FAM120C: variants seen among roughly 807,000 people sequenced by gnomAD.
The protein encoded by FAM120C is family with sequence similarity 120 member C, also known as constitutive coactivator of PPAR-gamma-like protein 2.
In FAM120C, 14 loss-of-function variants were observed where a neutral mutation model predicts 71.2. The observed-to-expected ratio is 0.20, with a 90% confidence interval of 0.13 to 0.31. The LOEUF (loss-of-function observed/expected upper bound fraction) is 0.31. Ranked by LOEUF, FAM120C falls within the 10% of genes least tolerant of loss-of-function variation. FAM120C has a pLI of 1.00. For synonymous variants in FAM120C, 354 were observed against 353.2 expected (o/e 1.00, Z -0.03); for missense variants, 500 against 879.0 (o/e 0.57, Z 5.45).
At chrX:54,100,362 G>A (rs1467505811) in intron 10 of FAM120C, among the ~76,000 whole-genome samples, 2 of 111,162 alleles carry the variant, frequency 1.8e-5, no homozygotes, top group African/African-American at 3.3e-5. Flanking sequence ...GTGTGGCAGC[G>A]GGCACCTGTA....
intron 15 of FAM120C, 114 bp downstream of exon 15, chrX:54,080,118 G>C (rs1417447278): frequency 5.2e-6 from 3 of 581,752 alleles, no homozygotes; most frequent in Non-Finnish European, 5.7e-6. Flanking sequence ...TGGAGGAGTT[G>C]AGAAGCTCCC....
At chrX:54,180,886 C>T (rs782398310) in intron 1 of FAM120C, among the ~76,000 whole-genome samples, 1 of 111,321 alleles carries the variant, frequency 9.0e-6, no homozygotes, top group Non-Finnish European at 1.9e-5. Flanking sequence ...CTATTGCCAG[C>T]AACCAGGTTA....
chrX:54,099,932 T>C (rs898770067), intron 10 of FAM120C, among the ~76,000 whole-genome samples: 6 of 112,076 alleles, frequency 5.4e-5, no homozygotes, highest in Non-Finnish European at 1.1e-4. Flanking sequence ...CTATTCTGAG[T>C]TTGTATTATT....
intron 15 of FAM120C, among the ~76,000 whole-genome samples, chrX:54,079,348 G>A (rs148551694): frequency 6.3e-5 from 7 of 110,592 alleles, no homozygotes; most frequent in South Asian, 3.8e-4. Context: ...ACGGAGCTGC[G>A]AGGATTGCGT....
chrX:54,155,240 A>G (rs1443693145), intron 3 of FAM120C, among the ~76,000 whole-genome samples: 1 of 111,483 alleles, frequency 9.0e-6, no homozygotes, highest in Non-Finnish European at 1.9e-5. Context: ...CAAATCAGAA[A>G]AGAAAAGAGA....
intron 9 of FAM120C, 131 bp from the exon 10 acceptor site, chrX:54,116,925 A>C (rs1453650061): frequency 8.9e-6 from 7 of 782,201 alleles, no homozygotes; most frequent in Non-Finnish European, 1.3e-5. Flanking sequence ...TTTTATTTTT[A>C]GCAGCAGGAA....
chrX:54,082,419 GT>G (rs1347297395), intron 13 of FAM120C, among the ~76,000 whole-genome samples: 2 of 108,692 alleles, frequency 1.8e-5, no homozygotes, highest in East Asian at 5.9e-4. Flanking sequence ...TCTTTTTTTT[GT>G]TTTTTTGAGA....
At chrX:54,098,504 C>T (rs1289690222) in intron 10 of FAM120C, among the ~76,000 whole-genome samples, 6 of 112,025 alleles carry the variant, frequency 5.4e-5, no homozygotes, top group Non-Finnish European at 9.4e-5. Context: ...GATCCCTTGT[C>T]TTTTTGATTA....
intron 14 of FAM120C, 48 bp downstream of exon 14, chrX:54,081,274 G>A (rs113183729): frequency 8.7e-7 from 1 of 1,151,969 alleles, no homozygotes; most frequent in Non-Finnish European, 1.2e-6. Context: ...GGAGGCCTAG[G>A]CATTTTCCCA....
rs1038290466 is a variant in FAM120C, at chrX:54,132,597, G to C, written c.2062+95C>G. The C allele has an allele frequency of 8.9e-6, 6 of 675,060 alleles. No individual in the cohort carries two copies. The African/African-American group carries it at 1.3e-4, about 15-fold the overall frequency. 55.6% of individuals were successfully genotyped at this position (675,060 alleles called of 1,213,427 possible). A position where few individuals can be genotyped will look rare whatever the true frequency, so the allele number is the denominator to read the frequency against. The stretch of plus-strand genomic sequence containing the variant: ...TTGTTGAATGTTGCATTTTCTTAAA[G>C]ACTACTCCATAGCCAAAGGTACCCA... On this transcript the variant is annotated intron_variant, in intron 9 of 15. Transcript: ENST00000375180.
At chrX:54,113,551 G>A (rs1417899515) in intron 10 of FAM120C, among the ~76,000 whole-genome samples, 9 of 110,799 alleles carry the variant, frequency 8.1e-5, no homozygotes, top group African/African-American at 2.6e-4. Flanking sequence ...AGAAATAAGA[G>A]TAAACAAACA....
At chrX:54,179,979 G>A (rs1341251921) in intron 1 of FAM120C, among the ~76,000 whole-genome samples, 1 of 111,847 alleles carries the variant, frequency 8.9e-6, no homozygotes. Flanking sequence ...CTGAATACCC[G>A]TGACTGAGAT....
intron 4 of FAM120C, among the ~76,000 whole-genome samples, chrX:54,148,282 A>T (rs781812036): frequency 9.1e-6 from 1 of 109,422 alleles, no homozygotes. Flanking sequence ...ACCAATTTTA[A>T]AAAAAAAAGG....
At chrX:54,087,306 C>T (rs1364182363) in intron 12 of FAM120C, among the ~76,000 whole-genome samples, 12 of 12,178 alleles carry the variant, frequency 9.9e-4, no homozygotes, top group East Asian at 3.1e-3. Context: ...AGCAAGACTC[C>T]GTCTAAAAAA....
At chrX:54,109,955 A>G (rs1029623973) in intron 10 of FAM120C, among the ~76,000 whole-genome samples, 4 of 110,233 alleles carry the variant, frequency 3.6e-5, no homozygotes, top group Non-Finnish European at 7.6e-5. Flanking sequence ...CTACTGTATT[A>G]AGGACCTGAT....
chrX:54,173,543 C>T (rs782423730), intron 1 of FAM120C, among the ~76,000 whole-genome samples: 5 of 112,470 alleles, frequency 4.4e-5, no homozygotes, highest in Non-Finnish European at 9.4e-5. Context: ...CCACCGCGCC[C>T]GGCTGTATAC....
At chrX:54,117,358 A>C (rs187662822) in intron 9 of FAM120C, among the ~76,000 whole-genome samples, 133 of 10,630 alleles carry the variant, frequency 0.013, 1 homozygote, top group African/African-American at 0.017. Flanking sequence ...GTCTCTAAAA[A>C]TAAAATAAAA....
intron 1 of FAM120C, among the ~76,000 whole-genome samples, chrX:54,179,425 ATAG>A (rs1314648744): frequency 8.9e-6 from 1 of 111,996 alleles, no homozygotes; most frequent in African/African-American, 3.2e-5. Context: ...GTCAAAAGAA[ATAG>A]TAGGCATGCA....
rs2067363718 is a variant in FAM120C at position 54,183,035 on chromosome X, C to A, written c.164G>T (p.Arg55Leu). 5 of 1,156,975 alleles carry A rather than the reference C, an allele frequency of 4.3e-6. No homozygotes were observed. Among genetic ancestry groups the A allele is most frequent in the Non-Finnish European group, 5.7e-6 (5 of 871,212 alleles). Residue 55 changes from arginine to leucine, a missense_variant, in exon 1 of 16, where the codon CGC becomes CTC. Physicochemically the swap from Arg to Leu is moderately radical, Grantham distance 102 (BLOSUM62 -2). Coordinates refer to ENST00000375180, the MANE Select transcript of FAM120C (RefSeq NM_017848.6). ...PTAALAPGAP[R>L]AARGSVPLQP... ...CAGAGGCACGGAGCCCCTGGCGGCGCGTGGAGCCCCGGGCGCTAGGGCTGC... is the reference window on the plus strand; with the variant it reads ...CAGAGGCACGGAGCCCCTGGCGGCGAGTGGAGCCCCGGGCGCTAGGGCTGC...
Sources: gnomAD v4.1 joint callset for allele counts (sites outside exome capture counted in the v4.1 genomes callset) on GRCh38, gnomAD v4.1.1 for gene constraint, MANE v1.5 for transcripts, NCBI Gene and HGNC (gene_info 2026-07-23, HGNC 2026-07-21) for gene names.